The following THSD7B variants were observed in gnomAD, a reference collection of about 807,000 sequenced individuals.
THSD7B encodes thrombospondin type-1 domain-containing protein 7B.
A neutral mutation model predicts 213.6 loss-of-function variants in THSD7B; 138 were observed. That is an observed-to-expected ratio of 0.65 (90% CI 0.56 to 0.74). The LOEUF (loss-of-function observed/expected upper bound fraction) is 0.74, where lower values mean the gene tolerates loss of function less well. Ranked by LOEUF, THSD7B falls within the 30% of genes least tolerant of loss-of-function variation. The pLI, the probability that THSD7B is intolerant of heterozygous loss-of-function variation, is 0.00. For missense variants in THSD7B, 1,931 were observed against 1,991.5 expected (o/e 0.97, Z 0.58); for synonymous variants, 742 against 687.0 (o/e 1.08, Z -1.25).
chr2:137,276,594 T>C (rs1429058941), intron 12 of THSD7B, among the ~76,000 whole-genome samples: 1 of 152,076 alleles, frequency 6.6e-6, no homozygotes, highest in Non-Finnish European at 1.5e-5. Context: ...ATCATCAATG[T>C]CTAGAAGGTG....
chr2:136,825,496 C>T lies in THSD7B; in HGVS notation c.-35-56648C>T, dbSNP rs142696441. 1.4e-3 allele frequency among the ~76,000 whole-genome samples: 207 copies of T among 152,200 alleles called. 2 individuals are homozygous for T. Among genetic ancestry groups the T allele is most frequent in the Non-Finnish European group, 2.1e-3 (142 of 68,008 alleles). On this transcript the variant is annotated intron_variant, in intron 1 of 27. Transcript: ENST00000409968. ...AAAGCCTGCAGCAACAGTCCAGTCC[C>T]TCCTATACTTCCAGTTTTTCTTCTT...
intron 4 of THSD7B, among the ~76,000 whole-genome samples, chr2:137,097,561 T>C (rs1688061728): frequency 6.6e-6 from 1 of 152,094 alleles, no homozygotes; most frequent in Non-Finnish European, 1.5e-5. Flanking sequence ...AAGATAAGGG[T>C]ATACCTACTA....
chr2:137,092,959 C>T (rs575123946), intron 3 of THSD7B, among the ~76,000 whole-genome samples: 11 of 152,156 alleles, frequency 7.2e-5, no homozygotes, highest in Admixed American at 1.3e-4. Flanking sequence ...TTTTAAACCA[C>T]ATTCAGAGGA....
chr2:137,572,036 GAGA>G (rs1681364957), intron 16 of THSD7B, among the ~76,000 whole-genome samples: 1 of 152,180 alleles, frequency 6.6e-6, no homozygotes, highest in Non-Finnish European at 1.5e-5. Context: ...GATTTATTCA[GAGA>G]AGGAGAGCCT....
chr2:137,132,308 C>A (rs1030518681), intron 5 of THSD7B, among the ~76,000 whole-genome samples: 3 of 151,246 alleles, frequency 2.0e-5, no homozygotes, highest in Non-Finnish European at 4.4e-5. Flanking sequence ...TCTAGATATA[C>A]AATCATGTCG....
rs764131057 is a variant in THSD7B, at chr2:137,011,528, G to C, written c.140-44892G>C. 9.2e-5 allele frequency among the ~76,000 whole-genome samples: 14 copies of C among 152,072 alleles called. No homozygotes were observed. In the South Asian group the frequency reaches 1.0e-3, roughly 11 times the overall value. On this transcript the variant is annotated intron_variant, in intron 2 of 27. Transcript: ENST00000409968. ...AGCAGCTCATCTGCAGTTGTAACAA[G>C]AAAAAATGTCCCCCGACATTGCCAA...
chr2:137,471,085 A>G (rs1311897522), intron 15 of THSD7B, among the ~76,000 whole-genome samples: 1 of 151,496 alleles, frequency 6.6e-6, no homozygotes, highest in Admixed American at 6.6e-5. Flanking sequence ...ACGCCTGGCT[A>G]ATGTTTTATA....
chr2:137,183,482 A>G (rs541971217), intron 7 of THSD7B, among the ~76,000 whole-genome samples: 246 of 152,302 alleles, frequency 1.6e-3, no homozygotes, highest in African/African-American at 5.5e-3. Context: ...CATTATTTAC[A>G]AATCATGATT....
At chr2:137,355,649 A>C (rs975464939) in intron 12 of THSD7B, among the ~76,000 whole-genome samples, 2 of 152,142 alleles carry the variant, frequency 1.3e-5, no homozygotes, top group African/African-American at 4.8e-5. Flanking sequence ...GAACTTCCCA[A>C]AGAGTTGCAA....
intron 12 of THSD7B, among the ~76,000 whole-genome samples, chr2:137,315,264 G>A (rs903575474): frequency 3.9e-5 from 6 of 152,228 alleles, no homozygotes; most frequent in Admixed American, 2.0e-4. Context: ...GGAGTGACCC[G>A]ATTTTCCAGG....
chr2:137,175,442 AAAAACAC>A (rs1291113066), intron 7 of THSD7B, among the ~76,000 whole-genome samples: 35 of 152,344 alleles, frequency 2.3e-4, no homozygotes, highest in Non-Finnish European at 4.4e-4. Flanking sequence ...CAGTGTTGCC[AAAAACAC>A]TCCCTTGCAT....
chr2:137,508,028 A>G (rs1315850763), intron 15 of THSD7B, among the ~76,000 whole-genome samples: 2 of 152,218 alleles, frequency 1.3e-5, no homozygotes, highest in Admixed American at 1.3e-4. Context: ...AATAGTATCT[A>G]CTTCACATGG....
intron 2 of THSD7B, among the ~76,000 whole-genome samples, chr2:136,894,501 G>A (rs75650371): frequency 6.6e-4 from 100 of 152,212 alleles, no homozygotes; most frequent in Middle Eastern, 6.8e-3. Context: ...TCCAAAAAAC[G>A]GGAATGAATG....
chr2:137,352,606 G>A (rs958044667), intron 12 of THSD7B, among the ~76,000 whole-genome samples: 6 of 151,864 alleles, frequency 4.0e-5, no homozygotes, highest in East Asian at 1.9e-4. Context: ...CCATGACTTC[G>A]GCCCTCTTCT....
intron 10 of THSD7B, among the ~76,000 whole-genome samples, chr2:137,256,708 A>T (rs773724766): frequency 1.3e-5 from 2 of 152,222 alleles, no homozygotes; most frequent in African/African-American, 4.8e-5. Flanking sequence ...AAAAGAAAAT[A>T]GTATAGAAAA....
intron 4 of THSD7B, among the ~76,000 whole-genome samples, chr2:137,114,696 A>G (rs1175541776): frequency 6.6e-6 from 1 of 152,246 alleles, no homozygotes; most frequent in Non-Finnish European, 1.5e-5. Flanking sequence ...ACGACTTTAC[A>G]CATTCACACA....
intron 20 of THSD7B, among the ~76,000 whole-genome samples, chr2:137,633,191 G>A (rs1189407845): frequency 1.3e-5 from 2 of 152,158 alleles, no homozygotes; most frequent in Non-Finnish European, 2.9e-5. Flanking sequence ...CCTGATATTT[G>A]TTAAGAGAAG....
intron 5 of THSD7B, among the ~76,000 whole-genome samples, chr2:137,126,720 T>G (rs1284621578): frequency 6.6e-6 from 1 of 152,236 alleles, no homozygotes; most frequent in Non-Finnish European, 1.5e-5. Flanking sequence ...CACAGAGGCC[T>G]TGCTTTCAGC....
At chr2:137,215,680 T>C (rs912844821) in intron 7 of THSD7B, among the ~76,000 whole-genome samples, 3 of 152,206 alleles carry the variant, frequency 2.0e-5, no homozygotes, top group Admixed American at 2.0e-4. Flanking sequence ...CAGAGACACA[T>C]TTTGCAAGGA....
Sources: gnomAD v4.1 joint callset for allele counts (sites outside exome capture counted in the v4.1 genomes callset) on GRCh38, gnomAD v4.1.1 for gene constraint, MANE v1.5 for transcripts, NCBI Gene and HGNC (gene_info 2026-07-23, HGNC 2026-07-21) for gene names.